CGB7: variants seen among roughly 807,000 people sequenced by gnomAD.
CGB7 encodes the protein choriogonadotropin subunit beta 7.
Under a neutral mutation model 7.3 loss-of-function variants are expected in CGB7, and 6 were observed. The ratio of observed to expected loss-of-function variants is 0.82; its 90% CI spans 0.45 to 1.62. The LOEUF (loss-of-function observed/expected upper bound fraction) is 1.62, where lower values mean the gene tolerates loss of function less well. Among genes scored for constraint, CGB7 ranks in the 40% most tolerant of loss-of-function variants. The pLI is 0.01. For missense variants in CGB7, 114 were observed against 236.2 expected (o/e 0.48, Z 3.39); for synonymous variants, 47 against 100.8 (o/e 0.47, Z 3.20).
rs2040080751 is a variant in CGB7 at position 49,057,467 on chromosome 19, T to C, written c.-1354A>G. On this transcript the variant is annotated 5_prime_UTR_variant, in exon 1 of 5. Coordinates refer to ENST00000684222, the MANE Select transcript of CGB7 (RefSeq NM_001385261.1). ...CGAACCCTTCCCAGCCTCACCTCCCTAAATCCAAGCCCTCCTGCTGGTCAA... is the reference window on the plus strand; with the variant it reads ...CGAACCCTTCCCAGCCTCACCTCCCCAAATCCAAGCCCTCCTGCTGGTCAA... 20 of 1,300,214 alleles carry C rather than the reference T, an allele frequency of 1.5e-5. No homozygotes were observed. Among genetic ancestry groups the C allele is most frequent in the Non-Finnish European group, 2.0e-5 (20 of 1,018,086 alleles). 80.5% of individuals were successfully genotyped at this position (1,300,214 alleles called of 1,614,324 possible).
Position 49,055,515 on chromosome 19 carries a change from A to T in CGB7, c.-140T>A. 1 of 1,591,958 alleles carries T rather than the reference A, an allele frequency of 6.3e-7. No individual in the cohort carries two copies. The highest frequency in any genetic ancestry group is 8.6e-7 in the Non-Finnish European group (1 of 1,167,670). ...GGGCGAGAAGTAGACAAGGCCAGGG[A>T]GGCACAGGAGTGGCTCAGCGGAGCA... On this transcript the variant is annotated 5_prime_UTR_variant, in exon 3 of 5. Coordinates refer to ENST00000684222, the MANE Select transcript of CGB7 (RefSeq NM_001385261.1).
In CGB7 at chr19:49,056,391, G is replaced by C; in HGVS notation, c.-1016C>G. 1 of 1,295,870 alleles carries C rather than the reference G, an allele frequency of 7.7e-7. No homozygotes were observed. The allele number at this position is 1,295,870 out of a possible 1,614,324, so 80.3% of individuals were successfully genotyped here. ...CCACCCCAAGTCGCCTCCAGCGGGCGGAAGCGGTCGAGCCGGCGGAGCGGG... is the reference window on the plus strand; with the variant it reads ...CCACCCCAAGTCGCCTCCAGCGGGCCGAAGCGGTCGAGCCGGCGGAGCGGG... On this transcript the variant is annotated 5_prime_UTR_variant, in exon 3 of 5. Coordinates refer to ENST00000684222, the MANE Select transcript of CGB7 (RefSeq NM_001385261.1).
At position 49,056,427 on chromosome 19, in the gene CGB7, A is replaced by T. The variant is rs2040065321; in HGVS notation, c.-1052T>A. 1 of 1,297,398 alleles carries T rather than the reference A, an allele frequency of 7.7e-7. No homozygotes were observed. The highest frequency in any genetic ancestry group is 1.0e-6 in the Non-Finnish European group (1 of 993,850). 80.4% of individuals were successfully genotyped at this position (1,297,398 alleles called of 1,614,324 possible). On this transcript the variant is annotated 5_prime_UTR_variant, in exon 3 of 5. Transcript: ENST00000684222. ...AGCCGGCGGAGCGGGTGCGGCGAGG[A>T]GCTGTAGGTTTCCTGAGCCGGAGAC... is the stretch of plus-strand genomic sequence containing the variant.
At position 49,055,753 on chromosome 19, in the gene CGB7, C is replaced by A; in HGVS notation, c.-378G>T. The A allele has an allele frequency of 8.4e-7, 1 of 1,188,218 alleles. No homozygotes were observed. The highest frequency in any genetic ancestry group is 1.1e-6 in the Non-Finnish European group (1 of 949,364). 73.6% of individuals were successfully genotyped at this position (1,188,218 alleles called of 1,614,324 possible). ...GAAAGGTGCTGGACTGAAGCCTCAA[C>A]CCTCCTCTACTTGAGCCATTCCTGC... On this transcript the variant is annotated 5_prime_UTR_variant, in exon 3 of 5. Coordinates refer to ENST00000684222, the MANE Select transcript of CGB7 (RefSeq NM_001385261.1).
In CGB7 at chr19:49,057,648, T is replaced by C. The variant is rs928945414; in HGVS notation, c.-1535A>G. Reference sequence around the variant, plus strand: ...CCCACCCTACCACGTCTCAGAATATTCTAGTCTCCTCCCCACCCACAGCCC... The same window carrying C: ...CCCACCCTACCACGTCTCAGAATATCCTAGTCTCCTCCCCACCCACAGCCC... On this transcript the variant is annotated 5_prime_UTR_variant, in exon 1 of 5. Transcript: ENST00000684222. The C allele has an allele frequency of 1.1e-5, 13 of 1,199,874 alleles. No homozygotes were observed. In the East Asian group the frequency reaches 3.9e-4, roughly 36 times the overall value. The allele number at this position is 1,199,874 out of a possible 1,614,324, so 74.3% of individuals were successfully genotyped here.
At position 49,055,499 on chromosome 19, in the gene CGB7, G is replaced by A; in HGVS notation, c.-124C>T. 6.2e-7 allele frequency: 1 copy of A among 1,601,862 alleles called. No homozygotes were observed. Among genetic ancestry groups the A allele is most frequent in the East Asian group, 2.2e-5 (1 of 44,786 alleles). ...ACACTAACCCTTCGGGGGGCGAGAA[G>A]TAGACAAGGCCAGGGAGGCACAGGA... is the stretch of plus-strand genomic sequence containing the variant. On this transcript the variant is annotated 5_prime_UTR_variant, in exon 3 of 5. Transcript: ENST00000684222.
chr19:49,055,655 G>T lies in CGB7; in HGVS notation c.-280C>A, dbSNP rs2040050836. On this transcript the variant is annotated 5_prime_UTR_variant, in exon 3 of 5. In the 5' UTR this introduces an upstream ATG that the reference lacks. Coordinates refer to ENST00000684222, the MANE Select transcript of CGB7 (RefSeq NM_001385261.1). ...GGGACTAGTCGAGGCTGGAGGCACA[G>T]AGAGTAGGGTGTAGGAAGGCCTGCC... 1.4e-6 allele frequency: 2 copies of T among 1,392,514 alleles called. No homozygotes were observed. The highest frequency in any genetic ancestry group is 5.4e-5 in the East Asian group (2 of 36,996). 86.3% of individuals were successfully genotyped at this position (1,392,514 alleles called of 1,614,324 possible). A position where few individuals can be genotyped will look rare whatever the true frequency, so the allele number is the denominator to read the frequency against.
At chr19:49,055,052 C>G in intron 3 of CGB7, 44 bp from the exon 4 acceptor site, 1 of 1,601,118 alleles carries the variant, frequency 6.2e-7, no homozygotes, top group Non-Finnish European at 8.5e-7. Context: ...GACCACAGCC[C>G]TGAGCCCTGG....
intron 2 of CGB7, 26 bp downstream of exon 2, chr19:49,057,095 C>T (rs1315948577): frequency 1.7e-5 from 26 of 1,529,696 alleles, no homozygotes; most frequent in Non-Finnish European, 1.7e-6. Context: ...GTGCAGGAGG[C>T]GGTGCCGAGC....
intron 3 of CGB7, 87 bp downstream of exon 3, chr19:49,055,274 T>A: frequency 1.2e-6 from 2 of 1,607,920 alleles, no homozygotes; most frequent in Middle Eastern, 2.2e-4. Flanking sequence ...AGAGGCGTCC[T>A]TCCACAGCTC....
chr19:49,055,913 C>A lies in CGB7; in HGVS notation c.-538G>T, dbSNP rs2040054808. 1 of 1,087,692 alleles carries A rather than the reference C, an allele frequency of 9.2e-7. No homozygotes were observed. Among genetic ancestry groups the A allele is most frequent in the Non-Finnish European group, 1.1e-6 (1 of 888,036 alleles). The allele number at this position is 1,087,692 out of a possible 1,614,324, so 67.4% of individuals were successfully genotyped here. A position where few individuals can be genotyped will look rare whatever the true frequency, so the allele number is the denominator to read the frequency against. On this transcript the variant is annotated 5_prime_UTR_variant, in exon 3 of 5. Coordinates refer to ENST00000684222, the MANE Select transcript of CGB7 (RefSeq NM_001385261.1). The stretch of plus-strand genomic sequence containing the variant: ...CCCCCAACGAGGGATTCAGCCCGAG[C>A]CCCACCTCTCCCTTAGGAACCTCCG...
At chr19:49,056,892 C>T (rs1050723468) in intron 2 of CGB7, among the ~76,000 whole-genome samples, 1 of 152,178 alleles carries the variant, frequency 6.6e-6, no homozygotes, top group African/African-American at 2.4e-5. Flanking sequence ...AGAATCCCCT[C>T]GAGCCGCTGT....
In CGB7 at chr19:49,056,063, G is replaced by C. The variant is rs972892948; in HGVS notation, c.-688C>G. 117 of 1,171,182 alleles carry C rather than the reference G, an allele frequency of 1.0e-4. No individual in the cohort carries two copies. Among genetic ancestry groups the C allele is most frequent in the Middle Eastern group, 8.4e-4 (3 of 3,576 alleles). The allele number at this position is 1,171,182 out of a possible 1,614,324, so 72.5% of individuals were successfully genotyped here. ...TCCTGCCCGCGGGGCCGCAGCCTCG[G>C]AGGACATTGTCTGGACTTAGTCCCT... On this transcript the variant is annotated 5_prime_UTR_variant, in exon 3 of 5. Transcript: ENST00000684222.
chr19:49,055,045 C>T (rs748991591), intron 3 of CGB7, 37 bp from the exon 4 acceptor site: 3 of 1,601,192 alleles, frequency 1.9e-6, no homozygotes, highest in Non-Finnish European at 1.7e-6. Context: ...GGCCTGAGAC[C>T]ACAGCCCTGA....
At chr19:49,055,032 C>T (rs1325542116) in intron 3 of CGB7, 24 bp from the exon 4 acceptor site, 1 of 1,601,242 alleles carries the variant, frequency 6.2e-7, no homozygotes, top group African/African-American at 1.3e-5. Flanking sequence ...ACTGCTTCAC[C>T]CGGGCCTGAG....
Position 49,056,100 on chromosome 19 carries a change from C to T in CGB7, c.-725G>A, listed in dbSNP as rs930963596. The stretch of plus-strand genomic sequence containing the variant: ...TGGACTTAGTCCCTTCCCCGCGATC[C>T]AGCCGCAGCTGAGTGGGCGTGTCTG... On this transcript the variant is annotated 5_prime_UTR_variant, in exon 3 of 5. Coordinates refer to ENST00000684222, the MANE Select transcript of CGB7 (RefSeq NM_001385261.1). 83 of 1,181,644 alleles carry T rather than the reference C, an allele frequency of 7.0e-5. No individual in the cohort carries two copies. Among genetic ancestry groups the T allele is most frequent in the Middle Eastern group, 2.4e-4 (1 of 4,140 alleles). 73.2% of individuals were successfully genotyped at this position (1,181,644 alleles called of 1,614,324 possible). A position where few individuals can be genotyped will look rare whatever the true frequency, so the allele number is the denominator to read the frequency against.
Position 49,055,711 on chromosome 19 carries a change from A to C in CGB7, c.-336T>G, listed in dbSNP as rs2040051546. The C allele has an allele frequency of 7.8e-7, 1 of 1,284,356 alleles. No individual in the cohort carries two copies. The highest frequency in any genetic ancestry group is 9.9e-7 in the Non-Finnish European group (1 of 1,006,332). The allele number at this position is 1,284,356 out of a possible 1,614,324, so 79.6% of individuals were successfully genotyped here. A position where few individuals can be genotyped will look rare whatever the true frequency, so the allele number is the denominator to read the frequency against. On this transcript the variant is annotated 5_prime_UTR_variant, in exon 3 of 5. Transcript: ENST00000684222. ...CTATGGTGGGGTCTTGGGAACCAGG[A>C]GGAGGCCGTGACCCGAGAAAGGTGC...
rs1288932811 is a variant in CGB7 at position 49,055,464 on chromosome 19, A to T, written c.-89T>A. ...CCACCAGGAGGTTGTAGGATGCTGG[A>T]GTGAGCTGGACACTAACCCTTCGGG... is the stretch of plus-strand genomic sequence containing the variant. On this transcript the variant is annotated 5_prime_UTR_variant, in exon 3 of 5. Coordinates refer to ENST00000684222, the MANE Select transcript of CGB7 (RefSeq NM_001385261.1). The T allele has an allele frequency of 6.2e-7, 1 of 1,608,570 alleles. No individual in the cohort carries two copies.
At position 49,057,625 on chromosome 19, in the gene CGB7, C is replaced by T; in HGVS notation, c.-1512G>A. On this transcript the variant is annotated 5_prime_UTR_variant, in exon 1 of 5. Transcript: ENST00000684222. ...ACTCCAGGTTACCTCTCCTAACTCC[C>T]ACCCTACCACGTCTCAGAATATTCT... The T allele has an allele frequency of 8.5e-7, 1 of 1,183,170 alleles. No individual in the cohort carries two copies. The highest frequency in any genetic ancestry group is 1.1e-6 in the Non-Finnish European group (1 of 951,176). The allele number at this position is 1,183,170 out of a possible 1,614,324, so 73.3% of individuals were successfully genotyped here.
Sources: gnomAD v4.1 joint callset for allele counts (sites outside exome capture counted in the v4.1 genomes callset) on GRCh38, gnomAD v4.1.1 for gene constraint, MANE v1.5 for transcripts, NCBI Gene and HGNC (gene_info 2026-07-23, HGNC 2026-07-21) for gene names.